Variants in ADCYAP1R1 observed in about 807,000 individuals in gnomAD.
ADCYAP1R1 encodes the protein pituitary adenylate cyclase-activating polypeptide type I receptor.
Under a neutral mutation model 67.6 loss-of-function variants are expected in ADCYAP1R1, and 44 were observed. The observed-to-expected ratio is 0.65, with a 90% CI of 0.51 to 0.84. The LOEUF (loss-of-function observed/expected upper bound fraction) is 0.84. Ranked by LOEUF, ADCYAP1R1 falls within the 40% of genes least tolerant of loss-of-function variation. The pLI is 0.00. For missense variants in ADCYAP1R1, 477 were observed against 587.9 expected, an observed-to-expected ratio of 0.81 and a Z score of 1.95; for synonymous variants, 222 against 219.6, an observed-to-expected ratio of 1.01 and a Z score of -0.10.
At chr7:31,075,492 C>A (rs928068117) in intron 3 of ADCYAP1R1, among the ~76,000 whole-genome samples, 2 of 152,142 alleles carry the variant, frequency 1.3e-5, no homozygotes, top group Admixed American at 6.5e-5. Flanking sequence ...CTCTGCCACT[C>A]TCTCCTGCTC....
chr7:31,064,825 C>T lies in ADCYAP1R1; in HGVS notation c.52-6C>T, dbSNP rs112690078. On this transcript the variant is annotated splice_polypyrimidine_tract_variant and splice_region_variant and intron_variant, in intron 2 of 15. Transcript: ENST00000304166. ...CTCCCACCATCCATCCTGTGTTCTC[C>T]TACAGGCCCCTGCCATGCATTCTGA... 2,328 of 1,605,514 alleles carry T rather than the reference C, an allele frequency of 1.4e-3. 31 individuals are homozygous for T. In the African/African-American group the frequency reaches 0.027, roughly 18 times the overall value.
At chr7:31,062,959 G>A (rs1259423266) in intron 1 of ADCYAP1R1, among the ~76,000 whole-genome samples, 1 of 152,218 alleles carries the variant, frequency 6.6e-6, no homozygotes, top group Non-Finnish European at 1.5e-5. Context: ...GAGACTGGTG[G>A]AGCTGAGCCA....
chr7:31,099,533 C>G (rs1255706218), intron 13 of ADCYAP1R1, among the ~76,000 whole-genome samples: 1 of 152,188 alleles, frequency 6.6e-6, no homozygotes, highest in Non-Finnish European at 1.5e-5. Flanking sequence ...TTACCTCTGT[C>G]CCCTATGTAT....
chr7:31,088,760 A>G (rs1034737432), intron 12 of ADCYAP1R1, among the ~76,000 whole-genome samples: 21 of 152,174 alleles, frequency 1.4e-4, no homozygotes, highest in Non-Finnish European at 2.9e-4. Flanking sequence ...TATGCTAGTT[A>G]CTGTAACCTT....
chr7:31,080,823 G>A (rs972409497), intron 5 of ADCYAP1R1, among the ~76,000 whole-genome samples, 190 bp downstream of exon 5: 1 of 152,120 alleles, frequency 6.6e-6, no homozygotes, highest in African/African-American at 2.4e-5. Context: ...GAGGTCGGGG[G>A]GCACAGGAAG....
At chr7:31,100,631 T>C (rs1198498539) in intron 13 of ADCYAP1R1, among the ~76,000 whole-genome samples, 1 of 152,172 alleles carries the variant, frequency 6.6e-6, no homozygotes, top group Non-Finnish European at 1.5e-5. Flanking sequence ...CAGCACTTTG[T>C]GTGTGAGTCA....
chr7:31,059,681 A>G (rs75197604), intron 1 of ADCYAP1R1, among the ~76,000 whole-genome samples: 3,716 of 152,204 alleles, frequency 0.024, 155 homozygotes, highest in African/African-American at 0.085. Flanking sequence ...TTAGAGGGAC[A>G]CTGCAGAGAA....
rs1189234921 is a variant in ADCYAP1R1, at chr7:31,072,102, G to GT, written c.158-5887dup. 2.7e-4 allele frequency among the ~76,000 whole-genome samples: 41 copies of GT among 150,406 alleles called. No homozygotes were observed. The East Asian group carries it at 8.1e-3, about 30-fold the overall frequency. On this transcript the variant is annotated intron_variant, in intron 3 of 15. Transcript: ENST00000304166. ...TTGGTACCTCTCTCCCCTGCACTGT[G>GT]TTGGCCTCGACTCTGCAGCAGTAAC...
intron 12 of ADCYAP1R1, among the ~76,000 whole-genome samples, chr7:31,090,715 C>T (rs1177655136): frequency 2.0e-5 from 3 of 152,182 alleles, no homozygotes; most frequent in African/African-American, 7.2e-5. Context: ...ATAATGGCCT[C>T]CAGCTGTGTC....
chr7:31,071,731 C>T (rs1191440664), intron 3 of ADCYAP1R1, among the ~76,000 whole-genome samples: 2 of 152,140 alleles, frequency 1.3e-5, no homozygotes, highest in Non-Finnish European at 2.9e-5. Flanking sequence ...CATCCATGTC[C>T]GTGGACTAAA....
At position 31,090,735 on chromosome 7, in the gene ADCYAP1R1, G is replaced by A. The variant is rs554446043; in HGVS notation, c.955-1909G>A. On this transcript the variant is annotated intron_variant, in intron 12 of 15. Transcript: ENST00000304166. Reference sequence around the variant, plus strand: ...GGCCTCCAGCTGTGTCCATGTTGCCGTAAAGGATGTGGCTACATTCTTTTT... The same window carrying A: ...GGCCTCCAGCTGTGTCCATGTTGCCATAAAGGATGTGGCTACATTCTTTTT... Among the ~76,000 whole-genome samples the A allele has an allele frequency of 7.9e-5, 12 of 152,288 alleles. No individual in the cohort carries two copies. In the South Asian group the frequency reaches 8.3e-4, roughly 11 times the overall value.
intron 1 of ADCYAP1R1, among the ~76,000 whole-genome samples, chr7:31,057,477 C>T (rs989746603): frequency 6.6e-6 from 1 of 152,210 alleles, no homozygotes; most frequent in African/African-American, 2.4e-5. Flanking sequence ...CCCTTCCTTG[C>T]TTTGGACCTG....
In ADCYAP1R1 at chr7:31,065,869, A is replaced by G. The variant is rs572103452; in HGVS notation, c.157+933A>G. On this transcript the variant is annotated intron_variant, in intron 3 of 15. Coordinates refer to ENST00000304166, the MANE Select transcript of ADCYAP1R1 (RefSeq NM_001118.5). The stretch of plus-strand genomic sequence containing the variant: ...GATCCTCCTGGCTCCTCTGAGCACC[A>G]TGTATTTAAGCACTTGACTAATCTG... Among the ~76,000 whole-genome samples, 8 of 152,298 alleles carry G rather than the reference A, an allele frequency of 5.3e-5. 1 individual carries two copies. The highest frequency in any genetic ancestry group is 3.3e-4 in the Admixed American group (5 of 15,302).
intron 13 of ADCYAP1R1, among the ~76,000 whole-genome samples, chr7:31,093,301 A>T (rs1796043696): frequency 6.6e-6 from 1 of 152,042 alleles, no homozygotes; most frequent in African/African-American, 2.4e-5. Flanking sequence ...TTCCTTTCTG[A>T]TGAACATCTA....
intron 13 of ADCYAP1R1, 112 bp from the exon 14 acceptor site, chr7:31,103,125 G>C (rs7806057): frequency 1.1e-5 from 16 of 1,452,508 alleles, no homozygotes; most frequent in Non-Finnish European, 1.5e-5. Flanking sequence ...TGTGGACACG[G>C]GCCCCAGCTT....
At chr7:31,100,781 A>G (rs1377425155) in intron 13 of ADCYAP1R1, among the ~76,000 whole-genome samples, 2 of 152,182 alleles carry the variant, frequency 1.3e-5, no homozygotes. Flanking sequence ...GAGGATTTGA[A>G]CCCAGAGAAT....
At chr7:31,084,519 A>G (rs1795656532) in intron 7 of ADCYAP1R1, among the ~76,000 whole-genome samples, 1 of 152,224 alleles carries the variant, frequency 6.6e-6, no homozygotes, top group Non-Finnish European at 1.5e-5. Context: ...TCAACAGCAT[A>G]TATTGAGCAT....
intron 3 of ADCYAP1R1, among the ~76,000 whole-genome samples, chr7:31,066,415 G>A (rs1794741178): frequency 6.6e-6 from 1 of 152,160 alleles, no homozygotes; most frequent in Non-Finnish European, 1.5e-5. Context: ...TGGGCTGACA[G>A]GGCAAGACAG....
At chr7:31,072,015 C>A (rs1795013682) in intron 3 of ADCYAP1R1, among the ~76,000 whole-genome samples, 1 of 136,008 alleles carries the variant, frequency 7.4e-6, no homozygotes, top group Non-Finnish European at 1.6e-5. Context: ...ACCCACCCAC[C>A]CACCCACCCA....
Sources: allele counts gnomAD v4.1 joint callset (sites outside exome capture counted in the v4.1 genomes callset), GRCh38; gene constraint gnomAD v4.1.1; transcripts MANE v1.5; gene names NCBI Gene and HGNC (gene_info 2026-07-23, HGNC 2026-07-21).